The following CNIH3 variants were observed in gnomAD, a reference collection of about 807,000 sequenced individuals.
The protein encoded by CNIH3 is protein cornichon homolog 3.
CNIH3 carries 14 observed loss-of-function variants against 24.1 expected under a neutral mutation model. The ratio of observed to expected loss-of-function variants is 0.58; its 90% confidence interval spans 0.38 to 0.91. The LOEUF is 0.91. Ranked by LOEUF, CNIH3 falls within the 40% of genes least tolerant of loss-of-function variation. CNIH3 has a pLI of 0.00. For synonymous variants in CNIH3, 68 were observed against 73.8 expected (o/e 0.92, Z 0.40); for missense variants, 178 against 196.8 (o/e 0.90, Z 0.57).
intron 3 of CNIH3, among the ~76,000 whole-genome samples, chr1:224,606,021 G>A (rs1280472780): frequency 6.6e-6 from 1 of 152,162 alleles, no homozygotes; most frequent in African/African-American, 2.4e-5. Flanking sequence ...AGCTCTCAAC[G>A]CCTCTCAGGA....
chr1:224,581,875 G>C (rs945123454), intron 4 of CNIH3, among the ~76,000 whole-genome samples: 1 of 152,162 alleles, frequency 6.6e-6, no homozygotes, highest in Non-Finnish European at 1.5e-5. Flanking sequence ...ATTACAGGGG[G>C]ATAAGGAGGA....
chr1:224,721,891 A>G (rs1233488806), intron 3 of CNIH3, among the ~76,000 whole-genome samples: 1 of 152,162 alleles, frequency 6.6e-6, no homozygotes, highest in Non-Finnish European at 1.5e-5. Context: ...GAATATGCCA[A>G]AGCCAGCCCT....
At chr1:224,729,720 C>T (rs1689221186) in intron 3 of CNIH3, among the ~76,000 whole-genome samples, 1 of 152,054 alleles carries the variant, frequency 6.6e-6, no homozygotes, top group African/African-American at 2.4e-5. Context: ...TTGGGAGCAG[C>T]TTTTCAATGA....
chr1:224,722,622 G>A (rs1688782816), intron 3 of CNIH3, among the ~76,000 whole-genome samples: 1 of 152,182 alleles, frequency 6.6e-6, no homozygotes, highest in Non-Finnish European at 1.5e-5. Flanking sequence ...TGTTAGAAAG[G>A]GGGACTCTTA....
intron 3 of CNIH3, among the ~76,000 whole-genome samples, chr1:224,550,019 G>A (rs80317078): frequency 6.6e-6 from 1 of 152,204 alleles, no homozygotes; most frequent in East Asian, 1.9e-4. Context: ...TGTAAACACA[G>A]GATATCATAG....
At chr1:224,572,302 G>T (rs536707090) in intron 4 of CNIH3, among the ~76,000 whole-genome samples, 3 of 152,266 alleles carry the variant, frequency 2.0e-5, no homozygotes, top group Admixed American at 1.3e-4. Context: ...AATCACCTGA[G>T]GTCAGGAGTT....
In CNIH3 at chr1:224,635,306, A is replaced by T. The variant is rs570704163; in HGVS notation, c.81+18051A>T. ...CAGGCCCCTCCCACGACACTTGGGG[A>T]TTACTATTCGAGATGAGATTTGGGT... On this transcript the variant is annotated intron_variant, in intron 1 of 5. Coordinates refer to ENST00000272133, the MANE Select transcript of CNIH3 (RefSeq NM_152495.2). Among the ~76,000 whole-genome samples the T allele has an allele frequency of 2.0e-5, 3 of 152,284 alleles. No individual in the cohort carries two copies. In the East Asian group the frequency reaches 5.8e-4, roughly 29 times the overall value.
chr1:224,523,224 G>T (rs1313270307), intron 2 of CNIH3, among the ~76,000 whole-genome samples: 1 of 151,698 alleles, frequency 6.6e-6, no homozygotes, highest in Non-Finnish European at 1.5e-5. Flanking sequence ...GGGTGACAGA[G>T]AGGGACCCTG....
At chr1:224,463,414 C>CT (rs35920703) in intron 1 of CNIH3, among the ~76,000 whole-genome samples, 41,981 of 147,138 alleles carry the variant, frequency 0.29, 7,205 homozygotes, top group African/African-American at 0.49. Context: ...GAATACAAGT[C>CT]TTTTTTTTTT....
chr1:224,707,024 C>T (rs1687856142), intron 3 of CNIH3, among the ~76,000 whole-genome samples: 2 of 128,054 alleles, frequency 1.6e-5, no homozygotes. Context: ...AGTGCAGTGG[C>T]GTGATCTTTG....
chr1:224,450,004 GCA>G (rs147188963), intron 1 of CNIH3, among the ~76,000 whole-genome samples: 2,725 of 146,958 alleles, frequency 0.019, 72 homozygotes, highest in African/African-American at 0.053. Flanking sequence ...CATTATACAC[GCA>G]CACACACACA....
At chr1:224,574,563 G>A (rs1170261791) in intron 4 of CNIH3, 12 of 766,550 alleles carry the variant, frequency 1.6e-5, no homozygotes, top group Non-Finnish European at 2.4e-5. Flanking sequence ...CTGCCACATC[G>A]ACTGTGCCCA....
chr1:224,627,568 G>C (rs144343531), intron 1 of CNIH3, among the ~76,000 whole-genome samples: 2,455 of 152,268 alleles, frequency 0.016, 29 homozygotes, highest in Middle Eastern at 0.034. Flanking sequence ...CTGTGACTTT[G>C]GGGACAGTGG....
chr1:224,567,699 G>A lies in CNIH3; in HGVS notation n.516+1435G>A, dbSNP rs572919524. On this transcript the variant is annotated intron_variant and non_coding_transcript_variant, in intron 4 of 5. Transcript: ENST00000471578. ...TATTTTTATTTCTTCCAGCTTAGGGGTGTGGCTTCTCTCATCATAGTTTCA... is the reference window on the plus strand; with the variant it reads ...TATTTTTATTTCTTCCAGCTTAGGGATGTGGCTTCTCTCATCATAGTTTCA... Among the ~76,000 whole-genome samples, 9 of 152,256 alleles carry A rather than the reference G, an allele frequency of 5.9e-5. No homozygotes were observed. The South Asian group carries it at 1.9e-3, about 32-fold the overall frequency.
At chr1:224,674,194 C>T (rs1243310014) in intron 1 of CNIH3, among the ~76,000 whole-genome samples, 1 of 147,784 alleles carries the variant, frequency 6.8e-6, no homozygotes, top group Admixed American at 6.8e-5. Flanking sequence ...TAATGCTAAG[C>T]TCTCTGATGG....
At chr1:224,700,610 T>C (rs1687433438) in intron 3 of CNIH3, among the ~76,000 whole-genome samples, 1 of 152,190 alleles carries the variant, frequency 6.6e-6, no homozygotes, top group South Asian at 2.1e-4. Flanking sequence ...CCTCTTTCAT[T>C]GGGTTTTATT....
chr1:224,734,185 T>A (rs888102768), intron 4 of CNIH3, among the ~76,000 whole-genome samples: 2 of 152,214 alleles, frequency 1.3e-5, no homozygotes, highest in Admixed American at 1.3e-4. Context: ...AAAGTAGTTT[T>A]AGGGTAGAAT....
At chr1:224,470,512 G>T (rs1353151328) in intron 1 of CNIH3, among the ~76,000 whole-genome samples, 1 of 151,792 alleles carries the variant, frequency 6.6e-6, no homozygotes, top group African/African-American at 2.4e-5. Flanking sequence ...AGAGACAAGG[G>T]TCTCCTTGTC....
At chr1:224,509,204 T>C (rs1157521495) in intron 1 of CNIH3, among the ~76,000 whole-genome samples, 2 of 152,108 alleles carry the variant, frequency 1.3e-5, no homozygotes, top group African/African-American at 4.8e-5. Context: ...ACATCTGTAA[T>C]CCCAGCTACT....
Sources: gnomAD v4.1 joint callset for allele counts (sites outside exome capture counted in the v4.1 genomes callset) on GRCh38, gnomAD v4.1.1 for gene constraint, MANE v1.5 for transcripts, NCBI Gene and HGNC (gene_info 2026-07-23, HGNC 2026-07-21) for gene names.